INPP5A: variants seen among roughly 807,000 people sequenced by gnomAD.
INPP5A encodes 43 kDa inositol polyphosphate 5-phophatase.
A neutral mutation model predicts 65.2 loss-of-function variants in INPP5A; 14 were observed. That is an observed-to-expected ratio of 0.21 (90% CI 0.14 to 0.34). The LOEUF (loss-of-function observed/expected upper bound fraction) is 0.34. Among genes scored for constraint, INPP5A ranks in the 10% least tolerant of loss-of-function variants. The pLI is 1.00. For synonymous variants in INPP5A, 207 were observed against 208.3 expected (o/e 0.99, Z 0.05); for missense variants, 431 against 545.6 (o/e 0.79, Z 2.09).
In INPP5A at chr10:132,601,098, A is replaced by G. The variant is rs60660584; in HGVS notation, c.76-6817A>G. On this transcript the variant is annotated intron_variant, in intron 1 of 15. Transcript: ENST00000368594. The stretch of plus-strand genomic sequence containing the variant: ...GATGGCACCATGTTACATTCCCACC[A>G]GCAGTGCACAAGGGTCCCATTTCTC... 5.2e-4 allele frequency among the ~76,000 whole-genome samples: 79 copies of G among 152,346 alleles called. 1 individual carries two copies. In the East Asian group the frequency reaches 0.013, roughly 26 times the overall value.
At position 132,782,646 on chromosome 10, in the gene INPP5A, C is replaced by T. The variant is rs898178439; in HGVS notation, c.*617C>T. 2.0e-5 allele frequency: 3 copies of T among 151,624 alleles called. No individual in the cohort carries two copies. In the South Asian group the frequency reaches 6.2e-4, roughly 32 times the overall value. 9.4% of individuals were successfully genotyped at this position (151,624 alleles called of 1,614,324 possible). A position where few individuals can be genotyped will look rare whatever the true frequency, so the allele number is the denominator to read the frequency against. ...TACTTTTTAAAAATAATTTATAAATCTTACCAAAACTTATGCTAAATATAC... is the reference window on the plus strand; with the variant it reads ...TACTTTTTAAAAATAATTTATAAATTTTACCAAAACTTATGCTAAATATAC... On this transcript the variant is annotated 3_prime_UTR_variant, in exon 16 of 16. Coordinates refer to ENST00000368594, the MANE Select transcript of INPP5A (RefSeq NM_005539.5). The surrounding 1 kb of genome is among the most constrained non-coding windows in gnomAD (Gnocchi z 4.4).
chr10:132,759,085 G>T (rs1337929602), intron 11 of INPP5A, among the ~76,000 whole-genome samples: 1 of 152,258 alleles, frequency 6.6e-6, no homozygotes, highest in Non-Finnish European at 1.5e-5. Context: ...GATTTCCAGA[G>T]CACTGTGCAT....
chr10:132,623,857 A>C (rs1039318818), intron 2 of INPP5A, among the ~76,000 whole-genome samples: 1 of 152,196 alleles, frequency 6.6e-6, no homozygotes, highest in Non-Finnish European at 1.5e-5. Flanking sequence ...TAGATACTTC[A>C]CTGAAGAAGA....
intron 2 of INPP5A, among the ~76,000 whole-genome samples, chr10:132,629,085 C>T (rs1205231469): frequency 6.6e-6 from 1 of 152,218 alleles, no homozygotes. Context: ...TCCTTGCTTA[C>T]AGCTGAAGCA....
At position 132,645,974 on chromosome 10, in the gene INPP5A, T is replaced by C. The variant is rs1444934068; in HGVS notation, c.218+6T>C. On this transcript the variant is annotated splice_donor_region_variant and intron_variant, in intron 3 of 15. Transcript: ENST00000368594. ...CACGTGGACAAGTTCGTCAAGTAAG[T>C]CTAGGGGCAGGTGCTGGTGCATGTC... 6.2e-7 allele frequency: 1 copy of C among 1,602,996 alleles called. No individual in the cohort carries two copies. Among genetic ancestry groups the C allele is most frequent in the East Asian group, 2.2e-5 (1 of 44,782 alleles).
intron 12 of INPP5A, among the ~76,000 whole-genome samples, chr10:132,773,360 GT>G (rs1206863515): frequency 6.6e-6 from 1 of 152,202 alleles, no homozygotes; most frequent in Non-Finnish European, 1.5e-5. Context: ...GCAAGATCGA[GT>G]TTTAGCTTCT....
Position 132,676,403 on chromosome 10 carries a change from C to T in INPP5A, c.307-13989C>T, listed in dbSNP as rs2072964938. On this transcript the variant is annotated intron_variant, in intron 4 of 15. Coordinates refer to ENST00000368594, the MANE Select transcript of INPP5A (RefSeq NM_005539.5). The surrounding 1 kb of genome is among the most constrained non-coding windows in gnomAD (Gnocchi z 4.0). ...CGTGAGTTCTGGGCCAGGACCTTTC[C>T]ACCTGTCTCCCTCCACTCCGGGTGA... Among the ~76,000 whole-genome samples, 1 of 152,164 alleles carries T rather than the reference C, an allele frequency of 6.6e-6. No individual in the cohort carries two copies. Among genetic ancestry groups the T allele is most frequent in the Admixed American group, 6.5e-5 (1 of 15,284 alleles).
chr10:132,726,994 T>C (rs1160089054), intron 9 of INPP5A, 89 bp downstream of exon 9: 1 of 817,856 alleles, frequency 1.2e-6, no homozygotes, highest in Non-Finnish European at 1.9e-6. Flanking sequence ...TTACTGGCAC[T>C]TTCAATGCCA....
intron 9 of INPP5A, among the ~76,000 whole-genome samples, chr10:132,728,385 G>A (rs2134585662): frequency 6.6e-6 from 1 of 152,366 alleles, no homozygotes; most frequent in Non-Finnish European, 1.5e-5. Flanking sequence ...CTCGAGGGCA[G>A]GGGCTGTGCC....
rs2072968696 is a variant in INPP5A, at chr10:132,676,681, C to T, written c.307-13711C>T. Among the ~76,000 whole-genome samples, 1 of 152,116 alleles carries T rather than the reference C, an allele frequency of 6.6e-6. No homozygotes were observed. The highest frequency in any genetic ancestry group is 1.5e-5 in the Non-Finnish European group (1 of 68,010). On this transcript the variant is annotated intron_variant, in intron 4 of 15. Coordinates refer to ENST00000368594, the MANE Select transcript of INPP5A (RefSeq NM_005539.5). This position sits in a 1 kb window ranked among gnomAD's most constrained non-coding sequence, Gnocchi z 4.0. ...GCAGCCCTGGGCACCTGTGGCTGCTCCCTCCTCCTGACTCTGCTCCAAGGT... is the reference window on the plus strand; with the variant it reads ...GCAGCCCTGGGCACCTGTGGCTGCTTCCTCCTCCTGACTCTGCTCCAAGGT...
intron 5 of INPP5A, among the ~76,000 whole-genome samples, chr10:132,694,434 G>C (rs939026274): frequency 1.6e-4 from 24 of 152,054 alleles, no homozygotes; most frequent in African/African-American, 5.8e-4. Context: ...AAAGAAAAAA[G>C]TGCTAAGAAG....
intron 1 of INPP5A, among the ~76,000 whole-genome samples, chr10:132,585,212 T>C (rs1162484793): frequency 3.3e-5 from 5 of 152,220 alleles, no homozygotes; most frequent in Admixed American, 6.5e-5. Flanking sequence ...TACAAAGTTA[T>C]TAACAGGTAC....
In INPP5A at chr10:132,762,178, G is replaced by T. The variant is rs745604350; in HGVS notation, c.904-3595G>T. On this transcript the variant is annotated intron_variant, in intron 11 of 15. Coordinates refer to ENST00000368594, the MANE Select transcript of INPP5A (RefSeq NM_005539.5). The surrounding 1 kb of genome is among the most constrained non-coding windows in gnomAD (Gnocchi z 4.6). ...AAGAGCCCAGCGCTTGCGCAGTGAGGGTCCACGAGGGGCACACTGGAGAGT... is the reference window on the plus strand; with the variant it reads ...AAGAGCCCAGCGCTTGCGCAGTGAGTGTCCACGAGGGGCACACTGGAGAGT... 1.2e-4 allele frequency among the ~76,000 whole-genome samples: 19 copies of T among 152,154 alleles called. No homozygotes were observed. The highest frequency in any genetic ancestry group is 2.5e-4 in the Non-Finnish European group (17 of 68,034).
At chr10:132,748,636 A>G (rs1846415000) in intron 9 of INPP5A, among the ~76,000 whole-genome samples, 1 of 152,204 alleles carries the variant, frequency 6.6e-6, no homozygotes, top group South Asian at 2.1e-4. Context: ...ACAGGCCTCA[A>G]TGTAATCCTT....
intron 7 of INPP5A, among the ~76,000 whole-genome samples, chr10:132,709,414 GAA>G (rs1845595395): frequency 6.9e-6 from 1 of 144,012 alleles, no homozygotes; most frequent in South Asian, 2.5e-4. Context: ...GAGGGGGAGA[GAA>G]AGAGGAAGAA....
intron 4 of INPP5A, among the ~76,000 whole-genome samples, chr10:132,677,485 A>G (rs376467684): frequency 1.3e-5 from 2 of 152,332 alleles, no homozygotes; most frequent in East Asian, 3.9e-4. Flanking sequence ...AGACCGGCCA[A>G]TGACTTTGCC....
chr10:132,697,746 G>A lies in INPP5A; in HGVS notation c.371-70G>A. ...TCGGGCTGAAGTCGGGTGGAAACAG[G>A]TTGTGCTCCAGGCTGGTTGGATGGG... On this transcript the variant is annotated intron_variant, in intron 5 of 15. Coordinates refer to ENST00000368594, the MANE Select transcript of INPP5A (RefSeq NM_005539.5). The surrounding 1 kb of genome is among the most constrained non-coding windows in gnomAD (Gnocchi z 5.6). 1 of 1,088,238 alleles carries A rather than the reference G, an allele frequency of 9.2e-7. No individual in the cohort carries two copies. The highest frequency in any genetic ancestry group is 1.4e-6 in the Non-Finnish European group (1 of 718,314). 67.4% of individuals were successfully genotyped at this position (1,088,238 alleles called of 1,614,324 possible).
At chr10:132,662,859 C>T (rs1044917074) in intron 4 of INPP5A, among the ~76,000 whole-genome samples, 11 of 152,170 alleles carry the variant, frequency 7.2e-5, no homozygotes, top group Non-Finnish European at 1.3e-4. Context: ...CCTTCTGGAG[C>T]GACGGGCATG....
chr10:132,640,899 T>C (rs749544498), intron 2 of INPP5A, among the ~76,000 whole-genome samples: 3 of 152,214 alleles, frequency 2.0e-5, no homozygotes, highest in Admixed American at 6.5e-5. Flanking sequence ...CTCAGCGTGC[T>C]GTCTCCCATT....
Sources: allele counts gnomAD v4.1 joint callset (sites outside exome capture counted in the v4.1 genomes callset), GRCh38; gene constraint gnomAD v4.1.1; non-coding constraint Gnocchi (gnomAD v3.1); transcripts MANE v1.5; gene names NCBI Gene and HGNC (gene_info 2026-07-23, HGNC 2026-07-21).